Variants in TBC1D1 observed in about 807,000 individuals in gnomAD.
TBC1D1 encodes the protein TBC1 (tre-2/USP6, BUB2, cdc16) domain family, member 1.
In TBC1D1, 89 loss-of-function variants were observed where a neutral mutation model predicts 125.6. That is an observed-to-expected ratio of 0.71 (90% confidence interval 0.60 to 0.85). The LOEUF is 0.85. Among genes scored for constraint, TBC1D1 ranks in the 40% least tolerant of loss-of-function variants. The pLI is 0.00. For synonymous variants in TBC1D1, 565 were observed against 564.1 expected (o/e 1.00, Z -0.02); for missense variants, 1,377 against 1,469.2 (o/e 0.94, Z 1.03).
At chr4:37,968,437 G>C (rs887727191) in intron 2 of TBC1D1, among the ~76,000 whole-genome samples, 1 of 152,234 alleles carries the variant, frequency 6.6e-6, no homozygotes, top group African/African-American at 2.4e-5. Flanking sequence ...CATGAAGTCG[G>C]CTTGCTGTTA....
intron 3 of TBC1D1, 42 bp from the exon 4 acceptor site, chr4:38,018,312 G>T: frequency 7.1e-7 from 1 of 1,406,502 alleles, no homozygotes; most frequent in South Asian, 1.2e-5. Flanking sequence ...GTCATGAAAT[G>T]AGAAAGTTTG....
At chr4:38,061,121 A>G (rs1171103507) in intron 12 of TBC1D1, among the ~76,000 whole-genome samples, 5 of 152,238 alleles carry the variant, frequency 3.3e-5, no homozygotes, top group Non-Finnish European at 7.3e-5. Flanking sequence ...GGTAAGGTTT[A>G]AAGAAAGATT....
chr4:38,059,244 TG>T (rs978677120), intron 12 of TBC1D1, among the ~76,000 whole-genome samples: 5 of 152,220 alleles, frequency 3.3e-5, no homozygotes, highest in Admixed American at 6.5e-5. Flanking sequence ...AGTGACCAGT[TG>T]GTCTCTTGTA....
At chr4:37,944,663 C>T (rs1035440078) in intron 2 of TBC1D1, among the ~76,000 whole-genome samples, 6 of 152,182 alleles carry the variant, frequency 3.9e-5, no homozygotes, top group African/African-American at 1.2e-4. Flanking sequence ...CCTGGTGTGC[C>T]GTTTGCTAAG....
chr4:38,001,121 G>T (rs1738981192), intron 2 of TBC1D1, among the ~76,000 whole-genome samples: 1 of 152,124 alleles, frequency 6.6e-6, no homozygotes, highest in Admixed American at 6.5e-5. Context: ...TCGGGAGGCT[G>T]AGGCAGGAGA....
Position 37,926,350 on chromosome 4 carries a change from A to G in TBC1D1, c.417+23838A>G, listed in dbSNP as rs199502007. Among the ~76,000 whole-genome samples, 3 of 152,178 alleles carry G rather than the reference A, an allele frequency of 2.0e-5. No homozygotes were observed. In the East Asian group the frequency reaches 5.8e-4, roughly 29 times the overall value. On this transcript the variant is annotated intron_variant, in intron 2 of 19. Transcript: ENST00000261439. Reference sequence around the variant, plus strand: ...TAGCGTTGCTCTATAGGGCTGCTCAAGCCATATGGCACCTCTGTACAAATT... The same window carrying G: ...TAGCGTTGCTCTATAGGGCTGCTCAGGCCATATGGCACCTCTGTACAAATT...
chr4:37,979,836 A>G lies in TBC1D1; in HGVS notation c.418-34673A>G, dbSNP rs923452294. Among the ~76,000 whole-genome samples the G allele has an allele frequency of 2.6e-5, 4 of 152,286 alleles. No individual in the cohort carries two copies. In the South Asian group the frequency reaches 6.2e-4, roughly 24 times the overall value. On this transcript the variant is annotated intron_variant, in intron 2 of 19. Transcript: ENST00000261439. ...CTCTTGTTGTCCAGGCTGGAGTGCA[A>G]TGGCACAATCTTGGCTCACTGCAAC... is the stretch of plus-strand genomic sequence containing the variant.
At chr4:38,023,073 A>C (rs921113766) in intron 6 of TBC1D1, among the ~76,000 whole-genome samples, 1 of 151,828 alleles carries the variant, frequency 6.6e-6, no homozygotes, top group African/African-American at 2.4e-5. Context: ...ATACATCTCA[A>C]ATACGTTTCT....
chr4:38,101,066 G>T (rs1760228625), intron 14 of TBC1D1, among the ~76,000 whole-genome samples: 1 of 152,136 alleles, frequency 6.6e-6, no homozygotes, highest in South Asian at 2.1e-4. Flanking sequence ...CCCTTAGAGG[G>T]TTATGAGTAT....
At position 37,977,577 on chromosome 4, in the gene TBC1D1, G is replaced by A. The variant is rs1219039206; in HGVS notation, c.418-36932G>A. On this transcript the variant is annotated intron_variant, in intron 2 of 19. Transcript: ENST00000261439. The surrounding 1 kb of genome is among the most constrained non-coding windows in gnomAD (Gnocchi z 4.3). ...CCGTTACCGGAGCGGAGCGGCAGGC[G>A]CGGGGCTGGAACATTTGTAACCTTC... 9.8e-6 allele frequency: 6 copies of A among 611,094 alleles called. No individual in the cohort carries two copies. The highest frequency in any genetic ancestry group is 1.3e-5 in the Non-Finnish European group (6 of 477,112). The allele number at this position is 611,094 out of a possible 1,614,324, so 37.9% of individuals were successfully genotyped here. A position where few individuals can be genotyped will look rare whatever the true frequency, so the allele number is the denominator to read the frequency against.
intron 7 of TBC1D1, among the ~76,000 whole-genome samples, chr4:38,031,057 G>A (rs1317017299): frequency 1.3e-5 from 2 of 152,158 alleles, no homozygotes; most frequent in African/African-American, 2.4e-5. Context: ...TTTTTGAAAT[G>A]TTTCATTTTC....
intron 2 of TBC1D1, among the ~76,000 whole-genome samples, chr4:37,972,481 CAAAAAA>C (rs74577993): frequency 2.0e-5 from 2 of 98,074 alleles, no homozygotes; most frequent in African/African-American, 3.9e-5. Context: ...AACGCCGTTT[CAAAAAA>C]AAAAAAAAAA....
chr4:38,044,983 C>CT (rs1749119866), intron 9 of TBC1D1, among the ~76,000 whole-genome samples: 1 of 152,236 alleles, frequency 6.6e-6, no homozygotes, highest in Non-Finnish European at 1.5e-5. Flanking sequence ...TTCCAGTTAT[C>CT]TAAGGCTTCT....
At chr4:37,942,795 C>T (rs1725854522) in intron 2 of TBC1D1, among the ~76,000 whole-genome samples, 1 of 152,208 alleles carries the variant, frequency 6.6e-6, no homozygotes, top group Admixed American at 6.5e-5. Context: ...CCATCTTGCA[C>T]TCCCAAAGTG....
chr4:38,064,332 G>A (rs918966318), intron 12 of TBC1D1, among the ~76,000 whole-genome samples: 12 of 152,208 alleles, frequency 7.9e-5, no homozygotes, highest in Non-Finnish European at 1.6e-4. Context: ...GTGAGCTGGT[G>A]TGGAAACTCC....
chr4:38,092,788 G>A (rs1758646016), intron 13 of TBC1D1, among the ~76,000 whole-genome samples: 1 of 151,582 alleles, frequency 6.6e-6, no homozygotes, highest in Non-Finnish European at 1.5e-5. Flanking sequence ...TTCCACTTCA[G>A]GGTCTCAGGG....
rs1466688966 is a variant in TBC1D1, at chr4:38,133,098, C to T, written c.3147C>T (p.Asp1049=). 1 of 1,610,314 alleles carries T rather than the reference C, an allele frequency of 6.2e-7. No homozygotes were observed. Among genetic ancestry groups the T allele is most frequent in the South Asian group, 1.1e-5 (1 of 90,184 alleles). The change falls in exon 19 of 20, where the codon GAC becomes GAT. Residue 1049 remains aspartate (D), a synonymous_variant. Coordinates refer to ENST00000261439, the MANE Select transcript of TBC1D1 (RefSeq NM_015173.4). ...TTCTATAACAGGTATTTGAAATGGA[C>T]ATCGCTAAACAGTTACAAGCTTATG...
Position 38,137,611 on chromosome 4 carries a change from TTA to T in TBC1D1, c.*278_*279del. On this transcript the variant is annotated 3_prime_UTR_variant, in exon 20 of 20. Transcript: ENST00000261439. Reference sequence around the variant, plus strand: ...TGGCGTGGACGTGAATAAATGCAACTTATGTTTTCTTGTTGGTTCCTTTTTGA... The same window carrying T: ...TGGCGTGGACGTGAATAAATGCAACTTGTTTTCTTGTTGGTTCCTTTTTGA... The T allele has an allele frequency of 2.7e-6, 1 of 366,756 alleles. No individual in the cohort carries two copies. The highest frequency in any genetic ancestry group is 4.1e-5 in the East Asian group (1 of 24,550). The allele number at this position is 366,756 out of a possible 1,614,324, so 22.7% of individuals were successfully genotyped here.
chr4:37,903,430 C>G (rs145851138), intron 2 of TBC1D1, among the ~76,000 whole-genome samples: 1 of 152,116 alleles, frequency 6.6e-6, no homozygotes, highest in South Asian at 2.1e-4. Context: ...GGAGTCTTGC[C>G]GTTGTTTTGG....
Sources: gnomAD v4.1 joint callset for allele counts (sites outside exome capture counted in the v4.1 genomes callset) on GRCh38, gnomAD v4.1.1 for gene constraint, Gnocchi (gnomAD v3.1) non-coding constraint, MANE v1.5 for transcripts, NCBI Gene and HGNC (gene_info 2026-07-23, HGNC 2026-07-21) for gene names.